PCSK2: variants seen among roughly 807,000 people sequenced by gnomAD.
The protein encoded by PCSK2 is proprotein convertase subtilisin/kexin type 2.
PCSK2 carries 14 observed loss-of-function variants against 69.7 expected under a neutral mutation model. That is an observed-to-expected ratio of 0.20 (90% CI 0.13 to 0.31). The LOEUF (loss-of-function observed/expected upper bound fraction) is 0.31, where lower values mean the gene tolerates loss of function less well. Ranked by LOEUF, PCSK2 falls within the 10% of genes least tolerant of loss-of-function variation. The pLI is 1.00. For synonymous variants in PCSK2, 307 were observed against 320.7 expected (o/e 0.96, Z 0.46); for missense variants, 544 against 842.5 (o/e 0.65, Z 4.39).
intron 8 of PCSK2, among the ~76,000 whole-genome samples, chr20:17,444,325 T>TCCCACCATTCCCAGTTGTCTGATGG (rs1422102742): frequency 2.0e-5 from 3 of 152,174 alleles, no homozygotes; most frequent in Non-Finnish European, 2.9e-5. Context: ...TTGCCATAGA[T>TCCCACCATTCCCAGTTGTCTGATGG]CCCACCATTC....
chr20:17,374,551 T>G (rs2030867678), intron 5 of PCSK2, among the ~76,000 whole-genome samples: 1 of 152,090 alleles, frequency 6.6e-6, no homozygotes, highest in Non-Finnish European at 1.5e-5. Context: ...CTGGGTTTTC[T>G]CAGAAGCAGA....
chr20:17,481,731 T>A lies in PCSK2; in HGVS notation c.1578T>A (p.Thr526=), dbSNP rs2033405852. 1 of 1,614,104 alleles carries A rather than the reference T, an allele frequency of 6.2e-7. No individual in the cohort carries two copies. The change falls in exon 12 of 12, where the codon ACT becomes ACA. Residue 526 remains threonine (T), a synonymous_variant. Coordinates refer to ENST00000262545, the MANE Select transcript of PCSK2 (RefSeq NM_002594.5). ...GAGGAGACCTGAACATCAACATGACTTCCCCTATGGGCACCAAGTCCATTT... is the reference window on the plus strand; with the variant it reads ...GAGGAGACCTGAACATCAACATGACATCCCCTATGGGCACCAAGTCCATTT... ...TRRGDLNINM[T]SPMGTKSILL... is the part of the protein sequence containing the mutation.
chr20:17,241,108 T>C (rs1986553920), intron 1 of PCSK2, among the ~76,000 whole-genome samples: 1 of 152,176 alleles, frequency 6.6e-6, no homozygotes, highest in Non-Finnish European at 1.5e-5. Flanking sequence ...ATAGATTTAA[T>C]ATATAGTGCA....
intron 2 of PCSK2, among the ~76,000 whole-genome samples, chr20:17,338,969 T>A (rs1990433582): frequency 6.6e-6 from 1 of 152,174 alleles, no homozygotes; most frequent in African/African-American, 2.4e-5. Flanking sequence ...TCACATAGCA[T>A]CTTGTTTTTG....
intron 2 of PCSK2, among the ~76,000 whole-genome samples, chr20:17,317,422 C>T (rs1409058864): frequency 6.6e-6 from 1 of 152,186 alleles, no homozygotes; most frequent in Non-Finnish European, 1.5e-5. Flanking sequence ...TCTTTTCTTT[C>T]CTTTTCTCAC....
rs114643515 is a variant in PCSK2 at position 17,299,159 on chromosome 20, T to A, written c.282+38815T>A. ...CTTGTCTATTCTGAGATCAACATTT[T>A]CCTAAGTGCCTCATCTATTTGTTTT... is the stretch of plus-strand genomic sequence containing the variant. On this transcript the variant is annotated intron_variant, in intron 2 of 11. Transcript: ENST00000262545. 1.4e-3 allele frequency among the ~76,000 whole-genome samples: 220 copies of A among 152,330 alleles called. 2 individuals are homozygous for A. Among genetic ancestry groups the A allele is most frequent in the African/African-American group, 4.8e-3 (201 of 41,574 alleles).
chr20:17,296,128 A>G (rs984929550), intron 2 of PCSK2, among the ~76,000 whole-genome samples: 1 of 152,196 alleles, frequency 6.6e-6, no homozygotes, highest in Non-Finnish European at 1.5e-5. Context: ...GCCAATGAGC[A>G]GAAATGTGAC....
chr20:17,466,390 T>C (rs886452048), intron 11 of PCSK2, among the ~76,000 whole-genome samples: 2 of 152,226 alleles, frequency 1.3e-5, no homozygotes, highest in Non-Finnish European at 2.9e-5. Context: ...CTGAAGAGTG[T>C]TCCAGTGTAT....
intron 2 of PCSK2, among the ~76,000 whole-genome samples, chr20:17,323,167 G>A (rs1490978300): frequency 6.6e-6 from 1 of 152,146 alleles, no homozygotes; most frequent in Non-Finnish European, 1.5e-5. Context: ...ACCCAGCCAA[G>A]GCCCCACTTC....
intron 11 of PCSK2, among the ~76,000 whole-genome samples, chr20:17,475,843 G>A (rs1363827935): frequency 6.6e-6 from 1 of 152,168 alleles, no homozygotes. Flanking sequence ...TACAGTCTTT[G>A]GTTGTTGGCT....
At chr20:17,330,633 A>G (rs1231155195) in intron 2 of PCSK2, among the ~76,000 whole-genome samples, 2 of 152,074 alleles carry the variant, frequency 1.3e-5, no homozygotes, top group Non-Finnish European at 2.9e-5. Context: ...AAATACATAA[A>G]TTAAAATAAA....
intron 1 of PCSK2, among the ~76,000 whole-genome samples, chr20:17,233,105 C>A (rs562351168): frequency 6.6e-6 from 1 of 152,224 alleles, no homozygotes; most frequent in African/African-American, 2.4e-5. Flanking sequence ...GCTCACTGTC[C>A]CCAATACACC....
intron 6 of PCSK2, among the ~76,000 whole-genome samples, chr20:17,426,694 A>G (rs760484699): frequency 2.6e-5 from 4 of 152,234 alleles, no homozygotes; most frequent in African/African-American, 4.8e-5. Context: ...AGAACCAGGA[A>G]GATCCAACGT....
chr20:17,461,774 G>A (rs1449486686), intron 10 of PCSK2, among the ~76,000 whole-genome samples: 2 of 152,140 alleles, frequency 1.3e-5, no homozygotes, highest in African/African-American at 4.8e-5. Flanking sequence ...CCTTGCACAC[G>A]AGAAAAACAA....
chr20:17,268,438 G>C (rs1172744997), intron 2 of PCSK2, among the ~76,000 whole-genome samples: 1 of 152,100 alleles, frequency 6.6e-6, no homozygotes, highest in Non-Finnish European at 1.5e-5. Context: ...TGGCTAGTCT[G>C]GGAAAGTGGC....
At chr20:17,408,762 G>T (rs2031808131) in intron 5 of PCSK2, among the ~76,000 whole-genome samples, 1 of 152,156 alleles carries the variant, frequency 6.6e-6, no homozygotes. Flanking sequence ...CTTGGGCATG[G>T]GGTTTAAAAC....
At position 17,344,140 on chromosome 20, in the gene PCSK2, G is replaced by A. The variant is rs185448634; in HGVS notation, c.283-14187G>A. 1.1e-3 allele frequency among the ~76,000 whole-genome samples: 163 copies of A among 152,324 alleles called. 1 individual carries two copies. The highest frequency in any genetic ancestry group is 1.7e-3 in the Non-Finnish European group (116 of 68,038). On this transcript the variant is annotated intron_variant, in intron 2 of 11. Coordinates refer to ENST00000262545, the MANE Select transcript of PCSK2 (RefSeq NM_002594.5). ...CTTTTTTCATTTGTTCCGCATCACCGTGCTGGGGCTCATTAACGCCCTGTC... is the reference window on the plus strand; with the variant it reads ...CTTTTTTCATTTGTTCCGCATCACCATGCTGGGGCTCATTAACGCCCTGTC...
intron 4 of PCSK2, among the ~76,000 whole-genome samples, chr20:17,362,421 G>T (rs567646281): frequency 4.1e-4 from 62 of 152,310 alleles, no homozygotes; most frequent in Admixed American, 7.8e-4. Flanking sequence ...GGTTGCTGGA[G>T]TTCATCTGGG....
intron 9 of PCSK2, 40 bp from the exon 10 acceptor site, chr20:17,456,308 C>T (rs752265913): frequency 2.9e-5 from 31 of 1,083,938 alleles, no homozygotes; most frequent in Non-Finnish European, 4.0e-5. Context: ...TTCAAAATAG[C>T]GTGATTTATC....
Sources: gnomAD v4.1 joint callset for allele counts (sites outside exome capture counted in the v4.1 genomes callset) on GRCh38, gnomAD v4.1.1 for gene constraint, MANE v1.5 for transcripts, NCBI Gene and HGNC (gene_info 2026-07-23, HGNC 2026-07-21) for gene names.